The following PCDHGA2 variants were observed in gnomAD, a reference collection of about 807,000 sequenced individuals.
PCDHGA2 encodes the protein protocadherin gamma subfamily A, 2.
Under a neutral mutation model 59.2 loss-of-function variants are expected in PCDHGA2, and 40 were observed. The observed-to-expected ratio is 0.68, with a 90% CI of 0.52 to 0.88. PCDHGA2 has a LOEUF of 0.88. Among genes scored for constraint, PCDHGA2 ranks in the 40% least tolerant of loss-of-function variants. The pLI is 0.00. For synonymous variants in PCDHGA2, 560 were observed against 526.0 expected, an observed-to-expected ratio of 1.06 and a Z score of -0.89; for missense variants, 1,226 against 1,204.0, an observed-to-expected ratio of 1.02 and a Z score of -0.27.
At chr5:141,408,884 A>G (rs755835568) in intron 1 of PCDHGA2, 2 of 1,613,384 alleles carry the variant, frequency 1.2e-6, no homozygotes, top group Non-Finnish European at 1.7e-6. Context: ...CACCGCTCAC[A>G]TAGAAATTTC....
chr5:141,466,068 G>C (rs1278308918), intron 1 of PCDHGA2, among the ~76,000 whole-genome samples: 4 of 152,080 alleles, frequency 2.6e-5, no homozygotes, highest in Admixed American at 2.6e-4. Flanking sequence ...CTTGCAGTGA[G>C]CTGATATCAT....
intron 1 of PCDHGA2, among the ~76,000 whole-genome samples, chr5:141,369,676 A>T (rs1172722090): frequency 6.6e-6 from 1 of 152,246 alleles, no homozygotes; most frequent in Non-Finnish European, 1.5e-5. Context: ...GAAGAAAGTG[A>T]AACATAGAAT....
chr5:141,435,973 G>T (rs1420195337), intron 1 of PCDHGA2, among the ~76,000 whole-genome samples: 1 of 152,028 alleles, frequency 6.6e-6, no homozygotes, highest in East Asian at 1.9e-4. Context: ...AGAGTGTGTG[G>T]TTCTACTTGT....
intron 1 of PCDHGA2, among the ~76,000 whole-genome samples, chr5:141,455,393 C>G (rs574741955): frequency 6.4e-4 from 97 of 152,150 alleles, no homozygotes; most frequent in African/African-American, 2.2e-3. Flanking sequence ...GAAGGAGCTC[C>G]CCCTTACAGA....
In PCDHGA2 at chr5:141,341,255, G is replaced by T. The variant is rs778117679; in HGVS notation, c.2284G>T (p.Asp762Tyr). ...TTCCCACGAGGTCTCCCTCACTGCG[G>T]ACTCGCGGAAGAGCCACCTGATTTT... Reference protein sequence around the residue: ...TYSHEVSLTADSRKSHLIFPQ... With the variant: ...TYSHEVSLTAYSRKSHLIFPQ... Residue 762 changes from aspartate to tyrosine, a missense_variant, in exon 1 of 4, where the codon GAC becomes TAC. By Grantham distance (160) the Asp-to-Tyr change is radical (BLOSUM62 -3). Coordinates refer to ENST00000394576, the MANE Select transcript of PCDHGA2 (RefSeq NM_018915.4). The T allele has an allele frequency of 4.0e-5, 65 of 1,614,102 alleles. No individual in the cohort carries two copies. The highest frequency in any genetic ancestry group is 5.3e-5 in the Non-Finnish European group (63 of 1,180,054).
In PCDHGA2 at chr5:141,400,602, A is replaced by C; in HGVS notation, c.2424+59207A>C. 3.1e-6 allele frequency: 5 copies of C among 1,590,234 alleles called. No homozygotes were observed. In the South Asian group the frequency reaches 5.6e-5, roughly 18 times the overall value. ...TTACATGAAACTATCGTACATTTTCAAGTCCAATGAGTTGTCTTAGGGAAG... is the reference window on the plus strand; with the variant it reads ...TTACATGAAACTATCGTACATTTTCCAGTCCAATGAGTTGTCTTAGGGAAG... On this transcript the variant is annotated intron_variant, in intron 1 of 3. Transcript: ENST00000394576.
At chr5:141,510,378 C>T (rs919650449) in intron 3 of PCDHGA2, among the ~76,000 whole-genome samples, 1 of 151,688 alleles carries the variant, frequency 6.6e-6, no homozygotes, top group African/African-American at 2.4e-5. Flanking sequence ...TCTACTCGTG[C>T]CAGGCCTTGC....
intron 1 of PCDHGA2, among the ~76,000 whole-genome samples, chr5:141,353,602 C>T (rs1371999385): frequency 6.6e-6 from 1 of 152,302 alleles, no homozygotes; most frequent in East Asian, 1.9e-4. Context: ...ATTTTCTTAA[C>T]CATTCCTAAA....
chr5:141,355,488 C>T, intron 1 of PCDHGA2: 1 of 1,614,004 alleles, frequency 6.2e-7, no homozygotes, highest in South Asian at 1.1e-5. Context: ...AGGAGCTCTG[C>T]GACAGATCTC....
At chr5:141,371,942 G>T (rs902262957) in intron 1 of PCDHGA2, 1 of 1,613,292 alleles carries the variant, frequency 6.2e-7, no homozygotes, top group Non-Finnish European at 8.5e-7. Context: ...TGGTGTTCGC[G>T]CAGCGAGCCT....
chr5:141,372,398 G>A lies in PCDHGA2; in HGVS notation c.2424+31003G>A, dbSNP rs772578154. The stretch of plus-strand genomic sequence containing the variant: ...TGCACCTAATCTTCGCAGATAGCTT[G>A]CAAGAGATACAACCTGACCTTAGCG... On this transcript the variant is annotated intron_variant, in intron 1 of 3. Transcript: ENST00000394576. 22 of 1,614,058 alleles carry A rather than the reference G, an allele frequency of 1.4e-5. No individual in the cohort carries two copies. The East Asian group carries it at 4.9e-4, about 36-fold the overall frequency.
intron 1 of PCDHGA2, chr5:141,384,697 C>CA (rs1290309898): frequency 6.2e-7 from 1 of 1,614,142 alleles, no homozygotes; most frequent in Non-Finnish European, 8.5e-7. Context: ...AGATTCAGGC[C>CA]AGAACGCCTG....
intron 1 of PCDHGA2, among the ~76,000 whole-genome samples, chr5:141,464,630 T>C (rs981288560): frequency 1.3e-5 from 2 of 152,176 alleles, no homozygotes; most frequent in African/African-American, 4.8e-5. Context: ...AGCTTTTTAA[T>C]TGTTGCCAAC....
intron 1 of PCDHGA2, chr5:141,370,882 G>A (rs762362899): frequency 6.2e-7 from 1 of 1,613,894 alleles, no homozygotes. Flanking sequence ...CCTGATGTAG[G>A]TGTCAATTCG....
At chr5:141,345,531 C>A (rs535264828) in intron 1 of PCDHGA2, 5 of 1,614,174 alleles carry the variant, frequency 3.1e-6, no homozygotes, top group Non-Finnish European at 4.2e-6. Context: ...CCAGGGGGCG[C>A]CCCTGTCCTC....
At chr5:141,448,921 G>A (rs1323304761) in intron 1 of PCDHGA2, among the ~76,000 whole-genome samples, 3 of 152,120 alleles carry the variant, frequency 2.0e-5, no homozygotes, top group Admixed American at 1.3e-4. Flanking sequence ...CTCCAGCCTG[G>A]GCGACAGAGC....
At chr5:141,458,413 G>A (rs138479316) in intron 1 of PCDHGA2, among the ~76,000 whole-genome samples, 1 of 152,196 alleles carries the variant, frequency 6.6e-6, no homozygotes, top group East Asian at 1.9e-4. Context: ...CGGAGCGGGG[G>A]TTCCAAAGCT....
intron 1 of PCDHGA2, among the ~76,000 whole-genome samples, chr5:141,380,556 A>G (rs560395127): frequency 1.3e-5 from 2 of 152,362 alleles, no homozygotes; most frequent in South Asian, 2.1e-4. Flanking sequence ...CTTATGTTAG[A>G]TTTTATTAAA....
intron 1 of PCDHGA2, chr5:141,408,074 C>T: frequency 7.2e-7 from 1 of 1,395,302 alleles, no homozygotes; most frequent in Non-Finnish European, 9.5e-7. Context: ...CAGACCTTTC[C>T]CAGCACAGCG....
Sources: allele counts gnomAD v4.1 joint callset (sites outside exome capture counted in the v4.1 genomes callset), GRCh38; gene constraint gnomAD v4.1.1; transcripts MANE v1.5; gene names NCBI Gene and HGNC (gene_info 2026-07-23, HGNC 2026-07-21).